The following KCNC2 variants were observed in gnomAD, a reference collection of about 807,000 sequenced individuals.
KCNC2 encodes potassium voltage-gated channel subfamily C member 2.
A neutral mutation model predicts 44.5 loss-of-function variants in KCNC2; 21 were observed. That is an observed-to-expected ratio of 0.47 (90% confidence interval 0.33 to 0.68). KCNC2 has a LOEUF of 0.68. Ranked by LOEUF, KCNC2 falls within the 30% of genes least tolerant of loss-of-function variation. The pLI, the probability that KCNC2 is intolerant of heterozygous loss-of-function variation, is 0.01. For missense variants in KCNC2, 589 were observed against 826.2 expected, an observed-to-expected ratio of 0.71 and a Z score of 3.52; for synonymous variants, 391 against 339.1, an observed-to-expected ratio of 1.15 and a Z score of -1.68.
chr12:75,117,885 CA>C (rs1433179099), intron 2 of KCNC2, among the ~76,000 whole-genome samples: 11 of 152,114 alleles, frequency 7.2e-5, no homozygotes, highest in African/African-American at 2.7e-4. Context: ...TTGGGCATTA[CA>C]CAACTAAAGA....
rs1043191578 is a variant in KCNC2 at position 75,209,661 on chromosome 12, C to T, written c.-474G>A. ...CCATCTGCAGATTTTGTTTCTCCCC[C>T]AAATCAGCCACTGCTGGAGCTGTCC... On this transcript the variant is annotated 5_prime_UTR_variant, in exon 1 of 5. Coordinates refer to ENST00000549446, the MANE Select transcript of KCNC2 (RefSeq NM_139137.4). The T allele has an allele frequency of 1.3e-5, 2 of 152,518 alleles. No individual in the cohort carries two copies. Among genetic ancestry groups the T allele is most frequent in the South Asian group, 4.1e-4 (2 of 4,834 alleles). 9.4% of individuals were successfully genotyped at this position (152,518 alleles called of 1,614,324 possible). A position where few individuals can be genotyped will look rare whatever the true frequency, so the allele number is the denominator to read the frequency against.
intron 2 of KCNC2, among the ~76,000 whole-genome samples, chr12:75,206,588 A>T (rs1231033052): frequency 6.6e-6 from 1 of 152,210 alleles, no homozygotes; most frequent in Non-Finnish European, 1.5e-5. Context: ...TGTATGTTCA[A>T]CCTGTAAGGA....
chr12:75,061,998 T>G (rs758358851), intron 2 of KCNC2, among the ~76,000 whole-genome samples: 12 of 151,950 alleles, frequency 7.9e-5, no homozygotes, highest in Non-Finnish European at 1.8e-4. Context: ...TTGACATGAC[T>G]CCAAAAAATA....
intron 2 of KCNC2, among the ~76,000 whole-genome samples, chr12:75,099,766 A>G (rs554287459): frequency 2.0e-5 from 3 of 152,288 alleles, no homozygotes; most frequent in East Asian, 1.9e-4. Flanking sequence ...TATATTCCAA[A>G]AAAGAAAGCC....
At chr12:75,160,423 G>A (rs1891046134) in intron 2 of KCNC2, among the ~76,000 whole-genome samples, 2 of 151,732 alleles carry the variant, frequency 1.3e-5, no homozygotes, top group African/African-American at 4.8e-5. Flanking sequence ...AAAAGTATTA[G>A]GATTTACTAG....
At chr12:75,208,449 C>T (rs1361008512) in intron 1 of KCNC2, among the ~76,000 whole-genome samples, 1 of 151,528 alleles carries the variant, frequency 6.6e-6, no homozygotes, top group Non-Finnish European at 1.5e-5. Flanking sequence ...CTCCTCCTCC[C>T]CTGGTTGGCC....
intron 4 of KCNC2, chr12:75,043,829 T>G: frequency 7.4e-7 from 1 of 1,343,824 alleles, no homozygotes; most frequent in Non-Finnish European, 9.9e-7. Context: ...GTAAGAAAAG[T>G]AAAGGAAAAA....
chr12:75,179,259 G>C (rs767099253), intron 2 of KCNC2, among the ~76,000 whole-genome samples: 4 of 151,756 alleles, frequency 2.6e-5, no homozygotes, highest in Non-Finnish European at 5.9e-5. Context: ...ACATTCAGAG[G>C]GCGAAATTTT....
chr12:75,059,250 TAACTATATCA>T (rs1882060027), intron 2 of KCNC2, among the ~76,000 whole-genome samples: 1 of 152,142 alleles, frequency 6.6e-6, no homozygotes, highest in South Asian at 2.1e-4. Flanking sequence ...CTTAACAAGT[TAACTATATCA>T]ACTGCTTTCA....
chr12:75,204,900 T>C (rs558076540), intron 2 of KCNC2, among the ~76,000 whole-genome samples: 2 of 152,272 alleles, frequency 1.3e-5, no homozygotes, highest in Admixed American at 1.3e-4. Context: ...TATTAAACCC[T>C]GACTGGTCAA....
Position 75,129,877 on chromosome 12 carries a change from G to T in KCNC2, c.687+77420C>A, listed in dbSNP as rs140433639. On this transcript the variant is annotated intron_variant, in intron 2 of 4. Coordinates refer to ENST00000549446, the MANE Select transcript of KCNC2 (RefSeq NM_139137.4). ...GGCAGCATGGCAATTTAGGTATGTG[G>T]TTGACTTGATAAGTATCTAAAGAAA... Among the ~76,000 whole-genome samples, 251 of 152,302 alleles carry T rather than the reference G, an allele frequency of 1.6e-3. 4 individuals carry two copies. The East Asian group carries it at 0.021, about 13-fold the overall frequency.
chr12:75,207,220 G>C lies in KCNC2; in HGVS notation c.687+77C>G. On this transcript the variant is annotated intron_variant, in intron 2 of 4. Transcript: ENST00000549446. This position sits in a 1 kb window ranked among gnomAD's most constrained non-coding sequence, Gnocchi z 4.1. ...CTACCCCCCATGCCTGAGGCCCTGGGGTGGAAAAGAACAGAAAGTTGGGGA... is the reference window on the plus strand; with the variant it reads ...CTACCCCCCATGCCTGAGGCCCTGGCGTGGAAAAGAACAGAAAGTTGGGGA... The C allele has an allele frequency of 6.7e-7, 1 of 1,492,438 alleles. No homozygotes were observed. The highest frequency in any genetic ancestry group is 8.9e-7 in the Non-Finnish European group (1 of 1,122,458). The allele number at this position is 1,492,438 out of a possible 1,614,324, so 92.4% of individuals were successfully genotyped here.
At chr12:75,064,341 T>A (rs2137003395) in intron 2 of KCNC2, among the ~76,000 whole-genome samples, 1 of 152,154 alleles carries the variant, frequency 6.6e-6, no homozygotes, top group South Asian at 2.1e-4. Flanking sequence ...TATTATCACC[T>A]CCCTATAACA....
rs79258922 is a variant in KCNC2, at chr12:75,085,348, A to G, written c.688-34031T>C. On this transcript the variant is annotated intron_variant, in intron 2 of 4. Coordinates refer to ENST00000549446, the MANE Select transcript of KCNC2 (RefSeq NM_139137.4). ...CATCACTACCATTACTTTGAAAAGG[A>G]AGAAGAGAATGGGGGAAGAGGAAGA... Among the ~76,000 whole-genome samples the G allele has an allele frequency of 5.6e-4, 85 of 152,202 alleles. 1 individual carries two copies. In the East Asian group the frequency reaches 0.01, roughly 19 times the overall value.
chr12:75,100,176 C>G (rs940919080), intron 2 of KCNC2, among the ~76,000 whole-genome samples: 54 of 152,120 alleles, frequency 3.5e-4, no homozygotes, highest in African/African-American at 1.3e-3. Context: ...TAGGCGAGTT[C>G]TATAGTCTTT....
chr12:75,069,158 G>T (rs1339091620), intron 2 of KCNC2, among the ~76,000 whole-genome samples: 1 of 4,758 alleles, frequency 2.1e-4, no homozygotes, highest in Admixed American at 2.7e-3. Context: ...TTTTGAGACG[G>T]AATTTCACTC....
intron 2 of KCNC2, among the ~76,000 whole-genome samples, chr12:75,197,034 A>G (rs746588962): frequency 8.5e-5 from 13 of 152,122 alleles, no homozygotes; most frequent in Middle Eastern, 3.4e-3. Context: ...AAGTGCATTC[A>G]CCTGATATGA....
At chr12:75,163,207 A>G (rs1431336528) in intron 2 of KCNC2, among the ~76,000 whole-genome samples, 1 of 151,752 alleles carries the variant, frequency 6.6e-6, no homozygotes, top group East Asian at 1.9e-4. Context: ...TGCTGCTATC[A>G]TGTGTTTTTA....
At chr12:75,081,461 T>C (rs1884504688) in intron 2 of KCNC2, among the ~76,000 whole-genome samples, 1 of 149,322 alleles carries the variant, frequency 6.7e-6, no homozygotes, top group Non-Finnish European at 1.5e-5. Context: ...ACTAGCTGTA[T>C]AAACACAATA....
Sources: allele counts gnomAD v4.1 joint callset (sites outside exome capture counted in the v4.1 genomes callset), GRCh38; gene constraint gnomAD v4.1.1; non-coding constraint Gnocchi (gnomAD v3.1); transcripts MANE v1.5; gene names NCBI Gene and HGNC (gene_info 2026-07-23, HGNC 2026-07-21).